The following LHFPL1 variants were observed in gnomAD, a reference collection of about 807,000 sequenced individuals.
LHFPL1 encodes the protein LHFPL tetraspan subfamily member 1, also known as LHFPL tetraspan subfamily member 1 protein.
Under a neutral mutation model 12.1 loss-of-function variants are expected in LHFPL1, and 4 were observed. The ratio of observed to expected loss-of-function variants is 0.33; its 90% CI spans 0.16 to 0.76. The LOEUF (loss-of-function observed/expected upper bound fraction) is 0.76, where lower values mean the gene tolerates loss of function less well. Ranked by LOEUF, LHFPL1 falls within the 30% of genes least tolerant of loss-of-function variation. The pLI, the probability that LHFPL1 is intolerant of heterozygous loss-of-function variation, is 0.61. For missense variants in LHFPL1, 141 were observed against 174.1 expected (o/e 0.81, Z 1.07); for synonymous variants, 52 against 61.9 (o/e 0.84, Z 0.75).
At chrX:112,657,123 T>C (rs1409223058) in intron 3 of LHFPL1, among the ~76,000 whole-genome samples, 5 of 112,629 alleles carry the variant, frequency 4.4e-5, no homozygotes. Flanking sequence ...TTCTGTATAA[T>C]AACAATAAGG....
At chrX:112,674,664 G>A (rs1217708740) in intron 1 of LHFPL1, among the ~76,000 whole-genome samples, 1 of 111,568 alleles carries the variant, frequency 9.0e-6, no homozygotes, top group East Asian at 2.8e-4. Context: ...ATATACAAAT[G>A]GCCAACAGAT....
Position 112,660,744 on chromosome X carries a change from CACAG to C in LHFPL1, c.383-23_383-20del, listed in dbSNP as rs759798154. On this transcript the variant is annotated intron_variant, in intron 2 of 3. Transcript: ENST00000371968. ...AGCAGCCCTAGAAAGAAAGCATACA[CACAG>C]ACAGAAAAAATATAACGTCTTCTGT... 8 of 1,081,683 alleles carry C rather than the reference CACAG, an allele frequency of 7.4e-6. No individual in the cohort carries two copies. The East Asian group carries it at 2.1e-4, about 29-fold the overall frequency. 89.1% of individuals were successfully genotyped at this position (1,081,683 alleles called of 1,213,427 possible).
intron 3 of LHFPL1, among the ~76,000 whole-genome samples, chrX:112,653,434 T>C (rs777215014): frequency 8.9e-6 from 1 of 112,242 alleles, no homozygotes; most frequent in Admixed American, 9.4e-5. Flanking sequence ...AAATAATGTA[T>C]GGGATATAGT....
At chrX:112,632,108 A>G (rs1017642791) in intron 3 of LHFPL1, among the ~76,000 whole-genome samples, 7 of 111,620 alleles carry the variant, frequency 6.3e-5, no homozygotes, top group African/African-American at 2.3e-4. Context: ...CCTAACTTCA[A>G]AACTCCACAC....
intron 2 of LHFPL1, among the ~76,000 whole-genome samples, chrX:112,669,242 C>T (rs1931423626): frequency 8.9e-6 from 1 of 112,440 alleles, no homozygotes; most frequent in Non-Finnish European, 1.9e-5. Context: ...CCAAGTGTCA[C>T]TTCCTGAAAT....
intron 3 of LHFPL1, among the ~76,000 whole-genome samples, chrX:112,642,276 C>T (rs768676419): frequency 3.9e-5 from 4 of 103,734 alleles, no homozygotes; most frequent in South Asian, 1.0e-3. Context: ...TTTAAGAGGC[C>T]GAGCTGGGCA....
chrX:112,650,456 C>G (rs763659884), intron 3 of LHFPL1, among the ~76,000 whole-genome samples: 1 of 111,980 alleles, frequency 8.9e-6, no homozygotes, highest in South Asian at 3.7e-4. Flanking sequence ...AACTCCAAAA[C>G]TTCTCTTCTA....
intron 2 of LHFPL1, among the ~76,000 whole-genome samples, chrX:112,662,617 T>C (rs2147722019): frequency 8.9e-6 from 1 of 112,302 alleles, no homozygotes; most frequent in South Asian, 3.7e-4. Context: ...CAATGACCAA[T>C]TAAGGTTAGA....
intron 3 of LHFPL1, among the ~76,000 whole-genome samples, chrX:112,646,493 CT>C (rs1397512132): frequency 1.8e-5 from 2 of 110,149 alleles, no homozygotes; most frequent in African/African-American, 6.6e-5. Context: ...GAGAGAGGCC[CT>C]AGATAAACTG....
At chrX:112,671,582 T>C (rs1246244745) in intron 1 of LHFPL1, 178 bp from the exon 2 acceptor site, 2 of 1,048,329 alleles carry the variant, frequency 1.9e-6, no homozygotes, top group Non-Finnish European at 2.5e-6. Flanking sequence ...CTGTGGGATT[T>C]TGCTTTTCAG....
intron 3 of LHFPL1, among the ~76,000 whole-genome samples, chrX:112,656,827 C>A: frequency 8.9e-6 from 1 of 111,998 alleles, no homozygotes; most frequent in East Asian, 2.8e-4. Flanking sequence ...CTTCACCTAG[C>A]CTACCCTAAA....
intron 3 of LHFPL1, among the ~76,000 whole-genome samples, chrX:112,653,380 C>T (rs974158188): frequency 8.9e-6 from 1 of 111,773 alleles, no homozygotes; most frequent in African/African-American, 3.3e-5. Flanking sequence ...AAGAATTTTG[C>T]TCCTTCAGTT....
intron 3 of LHFPL1, among the ~76,000 whole-genome samples, chrX:112,639,836 G>T (rs976096340): frequency 8.9e-6 from 1 of 112,182 alleles, no homozygotes; most frequent in Non-Finnish European, 1.9e-5. Flanking sequence ...GGGTCACCCC[G>T]TGTTGCCTTT....
intron 2 of LHFPL1, among the ~76,000 whole-genome samples, chrX:112,661,013 C>T (rs1210520701): frequency 8.9e-6 from 1 of 112,264 alleles, no homozygotes; most frequent in African/African-American, 3.2e-5. Context: ...TTGTCAATGA[C>T]TTACAAGGCT....
At chrX:112,646,218 G>C (rs1930681542) in intron 3 of LHFPL1, among the ~76,000 whole-genome samples, 1 of 110,051 alleles carries the variant, frequency 9.1e-6, no homozygotes. Context: ...TAATTTTCCA[G>C]GAGGGTAGAG....
chrX:112,641,317 C>T (rs963149187), intron 3 of LHFPL1, among the ~76,000 whole-genome samples: 12 of 111,650 alleles, frequency 1.1e-4, no homozygotes, highest in African/African-American at 3.9e-4. Context: ...TTCGTCAAGT[C>T]CCAGCCAGAG....
At chrX:112,668,619 T>C (rs915483256) in intron 2 of LHFPL1, among the ~76,000 whole-genome samples, 2 of 112,889 alleles carry the variant, frequency 1.8e-5, no homozygotes, top group Admixed American at 9.3e-5. Flanking sequence ...GGCAGAATCA[T>C]GTGAAACTAA....
At chrX:112,646,710 T>C (rs755730206) in intron 3 of LHFPL1, among the ~76,000 whole-genome samples, 2 of 110,154 alleles carry the variant, frequency 1.8e-5, no homozygotes, top group Non-Finnish European at 3.8e-5. Context: ...TTAATCTGAT[T>C]ATACTAAAAG....
chrX:112,669,050 A>G (rs1931418249), intron 2 of LHFPL1, among the ~76,000 whole-genome samples: 1 of 112,555 alleles, frequency 8.9e-6, no homozygotes. Flanking sequence ...AAAAAGAGGA[A>G]AGGATGTGAA....
Sources: gnomAD v4.1 joint callset for allele counts (sites outside exome capture counted in the v4.1 genomes callset) on GRCh38, gnomAD v4.1.1 for gene constraint, MANE v1.5 for transcripts, NCBI Gene and HGNC (gene_info 2026-07-23, HGNC 2026-07-21) for gene names.